DLG2: variants seen among roughly 807,000 people sequenced by gnomAD.
DLG2 encodes the protein discs large MAGUK scaffold protein 2.
In DLG2, 45 loss-of-function variants were observed where a neutral mutation model predicts 132.5. The ratio of observed to expected loss-of-function variants is 0.34; its 90% CI spans 0.27 to 0.44. The LOEUF is 0.44. Ranked by LOEUF, DLG2 falls within the 20% of genes least tolerant of loss-of-function variation. The probability of loss-of-function intolerance (pLI) is 1.00; values close to 1 mark genes in which losing one functional copy is unlikely to be tolerated. For synonymous variants in DLG2, 424 were observed against 419.6 expected (o/e 1.01, Z -0.13); for missense variants, 1,045 against 1,196.9 (o/e 0.87, Z 1.87).
intron 11 of DLG2, among the ~76,000 whole-genome samples, chr11:83,987,991 T>C (rs1349871631): frequency 1.3e-5 from 2 of 152,166 alleles, no homozygotes; most frequent in Admixed American, 6.6e-5. Context: ...TGTTTGTTTT[T>C]TTCTTGTAAA....
chr11:84,026,494 A>T (rs1453197401), intron 11 of DLG2, among the ~76,000 whole-genome samples: 1 of 152,170 alleles, frequency 6.6e-6, no homozygotes, highest in Non-Finnish European at 1.5e-5. Flanking sequence ...GGAGGATCAG[A>T]GAAATAAGCA....
At chr11:85,430,513 T>A (rs995176012) in intron 3 of DLG2, among the ~76,000 whole-genome samples, 4 of 152,100 alleles carry the variant, frequency 2.6e-5, no homozygotes, top group Non-Finnish European at 5.9e-5. Context: ...TCTGAATCCA[T>A]TAAAAATCCA....
At chr11:83,842,873 C>T (rs1002620730) in intron 16 of DLG2, among the ~76,000 whole-genome samples, 1 of 151,602 alleles carries the variant, frequency 6.6e-6, no homozygotes, top group Non-Finnish European at 1.5e-5. Context: ...TTTCTCATGG[C>T]CATTCGTGGG....
chr11:84,609,601 C>G (rs114863805), intron 6 of DLG2, among the ~76,000 whole-genome samples: 2 of 152,076 alleles, frequency 1.3e-5, no homozygotes, highest in Admixed American at 6.6e-5. Flanking sequence ...ATTAACACAC[C>G]TCTGCCATAG....
chr11:84,960,385 T>C (rs1453715193), intron 6 of DLG2, among the ~76,000 whole-genome samples: 1 of 152,202 alleles, frequency 6.6e-6, no homozygotes, highest in Non-Finnish European at 1.5e-5. Context: ...ACTCCTCTTA[T>C]ATTTGAATAT....
chr11:83,969,980 C>T (rs1021275864), intron 12 of DLG2, among the ~76,000 whole-genome samples: 1 of 151,156 alleles, frequency 6.6e-6, no homozygotes, highest in African/African-American at 2.4e-5. Context: ...AATACTGTGA[C>T]TATGGCCCAC....
chr11:83,944,453 G>A (rs2083345572), intron 14 of DLG2, among the ~76,000 whole-genome samples: 1 of 152,312 alleles, frequency 6.6e-6, no homozygotes, highest in Admixed American at 6.5e-5. Context: ...AAGAAAGACA[G>A]CATTAATTGC....
chr11:85,257,584 A>G (rs962816202), intron 4 of DLG2, among the ~76,000 whole-genome samples: 4 of 152,188 alleles, frequency 2.6e-5, no homozygotes, highest in Admixed American at 2.0e-4. Flanking sequence ...ACTTTTTGAT[A>G]AAGGTAAAGA....
chr11:85,399,399 A>G (rs1396288184), intron 3 of DLG2, among the ~76,000 whole-genome samples: 2 of 152,184 alleles, frequency 1.3e-5, no homozygotes, highest in African/African-American at 4.8e-5. Context: ...CAAGCTACCA[A>G]TGACTTTCTT....
chr11:85,583,130 G>GTGTGTATATA (rs1555190569), intron 3 of DLG2, among the ~76,000 whole-genome samples: 71 of 13,574 alleles, frequency 5.2e-3, no homozygotes, highest in Non-Finnish European at 7.6e-3. Flanking sequence ...GTGTGTGTGT[G>GTGTGTATATA]TATATATATA....
chr11:84,157,186 T>C (rs2095445051), intron 9 of DLG2, among the ~76,000 whole-genome samples: 1 of 151,646 alleles, frequency 6.6e-6, no homozygotes. Context: ...AATAGATACA[T>C]TTCTTAACTG....
chr11:85,387,797 T>C (rs1475954103), intron 3 of DLG2, among the ~76,000 whole-genome samples: 1 of 151,894 alleles, frequency 6.6e-6, no homozygotes, highest in Non-Finnish European at 1.5e-5. Flanking sequence ...AAGTGGAAAA[T>C]CTAGAGGGGA....
At chr11:85,264,510 C>T (rs964482482) in intron 4 of DLG2, among the ~76,000 whole-genome samples, 1 of 152,144 alleles carries the variant, frequency 6.6e-6, no homozygotes, top group Non-Finnish European at 1.5e-5. Context: ...AGGTTGCCAG[C>T]CATCATTAGA....
In DLG2 at chr11:84,482,197, A is replaced by G. The variant is rs141970881; in HGVS notation, c.519+52373T>C. 1.5e-3 allele frequency among the ~76,000 whole-genome samples: 236 copies of G among 152,342 alleles called. 2 individuals are homozygous for G. The highest frequency in any genetic ancestry group is 0.014 in the Admixed American group (209 of 15,294). On this transcript the variant is annotated intron_variant, in intron 7 of 27. Coordinates refer to ENST00000376104, the MANE Select transcript of DLG2 (RefSeq NM_001142699.3). ...AAACAAAACAAGAATCTTCTTTTTA[A>G]AAAGCTAAATAAGCAAAAAAGAATA...
intron 4 of DLG2, among the ~76,000 whole-genome samples, chr11:85,186,440 C>G (rs2080106511): frequency 6.6e-6 from 1 of 151,922 alleles, no homozygotes; most frequent in Non-Finnish European, 1.5e-5. Flanking sequence ...GACAGAGCAG[C>G]TTTAACTCAT....
intron 7 of DLG2, among the ~76,000 whole-genome samples, chr11:84,339,878 A>C (rs754306378): frequency 3.9e-5 from 6 of 152,212 alleles, no homozygotes; most frequent in Non-Finnish European, 8.8e-5. Context: ...CCAGAAAATA[A>C]AGTACAGAAA....
chr11:85,096,182 C>G (rs2069722092), intron 6 of DLG2, among the ~76,000 whole-genome samples: 1 of 152,140 alleles, frequency 6.6e-6, no homozygotes, highest in African/African-American at 2.4e-5. Context: ...GTGGGCGGGG[C>G]CAAATAAGGG....
chr11:84,553,396 A>G (rs1335179432), intron 6 of DLG2, among the ~76,000 whole-genome samples: 1 of 152,222 alleles, frequency 6.6e-6, no homozygotes, highest in Non-Finnish European at 1.5e-5. Context: ...CTAAAATGTC[A>G]TAGTTAAGAT....
intron 6 of DLG2, among the ~76,000 whole-genome samples, chr11:84,638,723 C>T (rs1342211789): frequency 2.0e-5 from 3 of 152,154 alleles, no homozygotes; most frequent in Admixed American, 6.5e-5. Flanking sequence ...CTCCATAACT[C>T]ACCATGGGAC....
Sources: allele counts gnomAD v4.1 joint callset (sites outside exome capture counted in the v4.1 genomes callset), GRCh38; gene constraint gnomAD v4.1.1; transcripts MANE v1.5; gene names NCBI Gene and HGNC (gene_info 2026-07-23, HGNC 2026-07-21).